Variants in RBP4 observed in about 807,000 individuals in gnomAD.
RBP4 encodes the protein retinol binding protein 4.
A neutral mutation model predicts 26.2 loss-of-function variants in RBP4; 9 were observed. The observed-to-expected ratio is 0.34, with a 90% CI of 0.21 to 0.60. The LOEUF is 0.60. Among genes scored for constraint, RBP4 ranks in the 20% least tolerant of loss-of-function variants. The pLI is 0.80. For missense variants in RBP4, 244 were observed against 271.3 expected (o/e 0.90, Z 0.71); for synonymous variants, 114 against 111.0 (o/e 1.03, Z -0.17).
chr10:93,592,197 C>T, intron 5 of RBP4, 85 bp from the exon 6 acceptor site: 1 of 1,171,358 alleles, frequency 8.5e-7, no homozygotes, highest in Non-Finnish European at 1.3e-6. Flanking sequence ...GGCCTTAGAG[C>T]TGGCTTCATT....
chr10:93,601,538 G>A (rs1008346239), upstream of RBP4: 9 of 655,948 alleles, frequency 1.4e-5, no homozygotes, highest in African/African-American at 1.6e-4. Context: ...GTGGCCTCCG[G>A]GGCCAGTGGC....
At chr10:93,592,141 G>C (rs746669893) in intron 5 of RBP4, 29 bp from the exon 6 acceptor site, 1 of 1,609,898 alleles carries the variant, frequency 6.2e-7, no homozygotes, top group Non-Finnish European at 8.5e-7. Flanking sequence ...AGCCATTAAC[G>C]ACAGAAAGTG....
In RBP4 at chr10:93,593,914, G is replaced by A; in HGVS notation, c.477C>T (p.Pro159=). 2 of 1,613,982 alleles carry A rather than the reference G, an allele frequency of 1.2e-6. No homozygotes were observed. Among genetic ancestry groups the A allele is most frequent in the Non-Finnish European group, 1.7e-6 (2 of 1,180,024 alleles). ...TCTGCGCTTCTGGGGGCAGGCCGTTGGGGTCCCGGGAAAACACGAAGGAGT... is the reference window on the plus strand; with the variant it reads ...TCTGCGCTTCTGGGGGCAGGCCGTTAGGGTCCCGGGAAAACACGAAGGAGT... ...DSYSFVFSRD[P]NGLPPEAQKI... The change falls in exon 5 of 6, where the codon CCC becomes CCT. Residue 159 remains proline (P), a synonymous_variant. Transcript: ENST00000371464.
At chr10:93,592,331 G>C (rs1364292077) in intron 5 of RBP4, among the ~76,000 whole-genome samples, 3 of 152,222 alleles carry the variant, frequency 2.0e-5, no homozygotes, top group Admixed American at 6.5e-5. Context: ...GGACGTAATG[G>C]GGGTGGAGAG....
chr10:93,598,206 C>T (rs572642000), intron 4 of RBP4, among the ~76,000 whole-genome samples: 3 of 152,306 alleles, frequency 2.0e-5, no homozygotes, highest in South Asian at 2.1e-4. Flanking sequence ...TATGATTTCA[C>T]GACCAGGGAG....
rs1340205315 is a variant in RBP4, at chr10:93,591,927, C to G, written c.*148G>C. 2 of 706,606 alleles carry G rather than the reference C, an allele frequency of 2.8e-6. No homozygotes were observed. Among genetic ancestry groups the G allele is most frequent in the Non-Finnish European group, 5.0e-6 (2 of 399,084 alleles). The allele number at this position is 706,606 out of a possible 1,614,324, so 43.8% of individuals were successfully genotyped here. A position where few individuals can be genotyped will look rare whatever the true frequency, so the allele number is the denominator to read the frequency against. ...AGGAAAGGCAAGCAGATTCACTGAC[C>G]CCCACGTGTATCTTTATGTGTAATG... On this transcript the variant is annotated 3_prime_UTR_variant, in exon 6 of 6. Coordinates refer to ENST00000371464, the MANE Select transcript of RBP4 (RefSeq NM_006744.4).
At chr10:93,592,165 T>C (rs2058271379) in intron 5 of RBP4, 53 bp from the exon 6 acceptor site, 14 of 1,492,220 alleles carry the variant, frequency 9.4e-6, no homozygotes, top group Non-Finnish European at 1.3e-5. Flanking sequence ...CCAGTTTTTA[T>C]GTAGATAATG....
In RBP4 at chr10:93,591,842, G is replaced by C. The variant is rs527923545; in HGVS notation, c.*233C>G. On this transcript the variant is annotated 3_prime_UTR_variant, in exon 6 of 6. Transcript: ENST00000371464. The stretch of plus-strand genomic sequence containing the variant: ...ACACAAATGAAAACTAAAATCACAG[G>C]ACACGGGTGACTATAGTTTAATGAA... 1 of 560,008 alleles carries C rather than the reference G, an allele frequency of 1.8e-6. No homozygotes were observed. The allele number at this position is 560,008 out of a possible 1,614,324, so 34.7% of individuals were successfully genotyped here.
chr10:93,591,780 A>C lies in RBP4; in HGVS notation c.*295T>G, dbSNP rs183015671. 1 of 403,060 alleles carries C rather than the reference A, an allele frequency of 2.5e-6. No homozygotes were observed. The highest frequency in any genetic ancestry group is 2.0e-5 in the African/African-American group (1 of 49,640). 25.0% of individuals were successfully genotyped at this position (403,060 alleles called of 1,614,324 possible). Reference sequence around the variant, plus strand: ...GAGCCACGTGCTCCTGGTATAAAGAAGCGCACCCCACCCATCCGTCTGCAG... The same window carrying C: ...GAGCCACGTGCTCCTGGTATAAAGACGCGCACCCCACCCATCCGTCTGCAG... On this transcript the variant is annotated 3_prime_UTR_variant, in exon 6 of 6. Transcript: ENST00000371464.
intron 4 of RBP4, among the ~76,000 whole-genome samples, chr10:93,599,753 A>T (rs2058324274): frequency 6.6e-6 from 1 of 152,204 alleles, no homozygotes; most frequent in Admixed American, 6.5e-5. Flanking sequence ...AAAAATGGGA[A>T]AAAGAGCATG....
At chr10:93,598,790 T>C (rs1390437525) in intron 4 of RBP4, among the ~76,000 whole-genome samples, 1 of 152,252 alleles carries the variant, frequency 6.6e-6, no homozygotes, top group African/African-American at 2.4e-5. Context: ...CATATGTGTT[T>C]CCTCTTTCTA....
At chr10:93,594,106 G>A (rs530544269) in intron 4 of RBP4, 71 bp from the exon 5 acceptor site, 36 of 1,427,930 alleles carry the variant, frequency 2.5e-5, no homozygotes, top group Non-Finnish European at 3.0e-5. Flanking sequence ...AGAAACTCAC[G>A]ACCAGGCCTG....
At chr10:93,595,603 G>C (rs1457222031) in intron 4 of RBP4, among the ~76,000 whole-genome samples, 7 of 152,226 alleles carry the variant, frequency 4.6e-5, no homozygotes, top group Non-Finnish European at 7.3e-5. Flanking sequence ...TTGGAGCAAG[G>C]GGTGATGCTC....
upstream of RBP4, chr10:93,601,738 A>G: frequency 1.3e-6 from 1 of 775,712 alleles, no homozygotes; most frequent in South Asian, 1.4e-5. Context: ...TTCATTTTAT[A>G]AAGGATGTAT....
intron 4 of RBP4, among the ~76,000 whole-genome samples, chr10:93,597,405 T>C (rs2058309364): frequency 6.6e-6 from 1 of 152,266 alleles, no homozygotes; most frequent in African/African-American, 2.4e-5. Flanking sequence ...TACTATGCAC[T>C]AGGCTAAGCA....
intron 2 of RBP4, 31 bp from the exon 3 acceptor site, chr10:93,600,834 G>C (rs762366597): frequency 1.9e-6 from 3 of 1,602,148 alleles, no homozygotes; most frequent in Non-Finnish European, 2.6e-6. Flanking sequence ...GGGGTTTGGC[G>C]TCCGGGGGCG....
Position 93,600,361 on chromosome 10 carries a change from C to G in RBP4, c.355+32G>C, listed in dbSNP as rs776405147. The G allele has an allele frequency of 2.5e-5, 40 of 1,593,486 alleles. No individual in the cohort carries two copies. The South Asian group carries it at 4.4e-4, about 18-fold the overall frequency. ...GATTTGGCCCGGTAGGCGCCCCATT[C>G]CCAAGACAGTCCCACAGAGCTGACT... On this transcript the variant is annotated intron_variant, in intron 4 of 5. Transcript: ENST00000371464.
chr10:93,594,134 A>G lies in RBP4; in HGVS notation c.356-99T>C. ...CAGGCCTGAGAACACAGTGACTTCC[A>G]GAAGCTGGTTTTATTTCTTTAGGAA... On this transcript the variant is annotated intron_variant, in intron 4 of 5. Transcript: ENST00000371464. The G allele has an allele frequency of 2.6e-6, 3 of 1,153,916 alleles. No homozygotes were observed. The South Asian group carries it at 3.7e-5, about 14-fold the overall frequency. 71.5% of individuals were successfully genotyped at this position (1,153,916 alleles called of 1,614,324 possible).
At chr10:93,598,466 T>C (rs1275482092) in intron 4 of RBP4, among the ~76,000 whole-genome samples, 1 of 152,276 alleles carries the variant, frequency 6.6e-6, no homozygotes, top group Non-Finnish European at 1.5e-5. Flanking sequence ...CGGGCTTAAC[T>C]ACAACACTGC....
Sources: gnomAD v4.1 joint callset for allele counts (sites outside exome capture counted in the v4.1 genomes callset) on GRCh38, gnomAD v4.1.1 for gene constraint, MANE v1.5 for transcripts, NCBI Gene and HGNC (gene_info 2026-07-23, HGNC 2026-07-21) for gene names.